Variants in GRAMD1B observed in about 807,000 individuals in gnomAD.
The protein encoded by GRAMD1B is protein Aster-B.
In GRAMD1B, 37 loss-of-function variants were observed where a neutral mutation model predicts 99.7. That is an observed-to-expected ratio of 0.37 (90% CI 0.29 to 0.49). GRAMD1B has a LOEUF of 0.49. Ranked by LOEUF, GRAMD1B falls within the 20% of genes least tolerant of loss-of-function variation. The pLI, the probability that GRAMD1B is intolerant of heterozygous loss-of-function variation, is 0.98. For missense variants in GRAMD1B, 888 were observed against 1,009.2 expected (o/e 0.88, Z 1.63); for synonymous variants, 427 against 387.6 (o/e 1.10, Z -1.19).
chr11:123,526,092 C>T, intron 2 of GRAMD1B: 37 of 1,510,376 alleles, frequency 2.4e-5, no homozygotes, highest in Non-Finnish European at 3.4e-5. Context: ...CCTGGGACCT[C>T]CGGAGCTGTA....
intron 2 of GRAMD1B, among the ~76,000 whole-genome samples, chr11:123,554,843 A>G (rs1591976749): frequency 6.6e-6 from 1 of 152,214 alleles, no homozygotes; most frequent in South Asian, 2.1e-4. Context: ...CACTCACTGA[A>G]GGACAAACTT....
At chr11:123,592,953 C>T (rs916068045) in intron 4 of GRAMD1B, among the ~76,000 whole-genome samples, 2 of 151,852 alleles carry the variant, frequency 1.3e-5, no homozygotes, top group African/African-American at 4.8e-5. Flanking sequence ...GCCCTCGGGT[C>T]GGGCGCGGTG....
At chr11:123,379,023 C>T (rs1049667027) in intron 1 of GRAMD1B, among the ~76,000 whole-genome samples, 3 of 151,890 alleles carry the variant, frequency 2.0e-5, no homozygotes, top group Non-Finnish European at 4.4e-5. Flanking sequence ...CAGTGTCAGT[C>T]TAAAGAGGAA....
At chr11:123,442,194 C>T (rs997431787) in intron 1 of GRAMD1B, among the ~76,000 whole-genome samples, 8 of 152,286 alleles carry the variant, frequency 5.3e-5, no homozygotes, top group East Asian at 1.9e-4. Context: ...GGGCTCAGTC[C>T]TCTAAGATTG....
At chr11:123,421,961 A>G (rs1948453366) in intron 1 of GRAMD1B, among the ~76,000 whole-genome samples, 2 of 152,220 alleles carry the variant, frequency 1.3e-5, no homozygotes, top group Non-Finnish European at 2.9e-5. Context: ...TTAAATCTGT[A>G]TTTTCATACA....
intron 2 of GRAMD1B, among the ~76,000 whole-genome samples, chr11:123,542,329 G>A (rs1290821): frequency 7.9e-5 from 12 of 152,150 alleles, no homozygotes; most frequent in Non-Finnish European, 1.5e-4. Context: ...GAGAGCACTC[G>A]CCAGTTACAA....
Position 123,492,316 on chromosome 11 carries a change from C to T in GRAMD1B, c.452+11423C>T, listed in dbSNP as rs571780888. 6.4e-4 allele frequency among the ~76,000 whole-genome samples: 97 copies of T among 152,224 alleles called. No homozygotes were observed. Among genetic ancestry groups the T allele is most frequent in the Admixed American group, 1.8e-3 (27 of 15,288 alleles). On this transcript the variant is annotated intron_variant, in intron 2 of 19. Transcript: ENST00000635736. The surrounding 1 kb of genome is among the most constrained non-coding windows in gnomAD (Gnocchi z 4.2). ...CTGTGTAGCATCCCCTGGACAGGGG[C>T]GCTGGCGTCTCTGGGGTGTGGATCA...
At chr11:123,564,172 A>G (rs1315339843) in intron 2 of GRAMD1B, among the ~76,000 whole-genome samples, 1 of 152,186 alleles carries the variant, frequency 6.6e-6, no homozygotes, top group Non-Finnish European at 1.5e-5. Context: ...TGACAGTACC[A>G]TAGCAACCTC....
chr11:123,359,168 C>G (rs1946055732), intron 1 of GRAMD1B, among the ~76,000 whole-genome samples: 1 of 152,028 alleles, frequency 6.6e-6, no homozygotes, highest in Non-Finnish European at 1.5e-5. Context: ...ATGGAGATTG[C>G]CTCTCCTCCT....
rs1456635902 is a variant in GRAMD1B, at chr11:123,600,448, T to C, written c.970-20T>C. ...TTGTAACTCAACAGATATTTATTGT[T>C]ATTTTCTTTTCCAATCTAGCACTTC... is the stretch of plus-strand genomic sequence containing the variant. On this transcript the variant is annotated intron_variant, in intron 7 of 19. Transcript: ENST00000635736. 3.4e-6 allele frequency: 5 copies of C among 1,491,260 alleles called. No homozygotes were observed. Among genetic ancestry groups the C allele is most frequent in the Non-Finnish European group, 4.7e-6 (5 of 1,070,406 alleles). 92.4% of individuals were successfully genotyped at this position (1,491,260 alleles called of 1,614,324 possible).
intron 2 of GRAMD1B, among the ~76,000 whole-genome samples, chr11:123,573,482 T>C (rs1948384816): frequency 1.3e-5 from 2 of 152,214 alleles, no homozygotes; most frequent in African/African-American, 4.8e-5. Context: ...TGTGCCTCTT[T>C]CTGTCCACCG....
At chr11:123,456,438 T>C (rs1406862206) in intron 1 of GRAMD1B, among the ~76,000 whole-genome samples, 1 of 152,156 alleles carries the variant, frequency 6.6e-6, no homozygotes, top group Non-Finnish European at 1.5e-5. Flanking sequence ...GACTTTACAC[T>C]TGTCATTTAC....
At chr11:123,498,281 C>T (rs1168315919) in intron 2 of GRAMD1B, among the ~76,000 whole-genome samples, 2 of 152,154 alleles carry the variant, frequency 1.3e-5, no homozygotes, top group Non-Finnish European at 2.9e-5. Flanking sequence ...TTTACTTTTC[C>T]CCCTGCTTTT....
intron 1 of GRAMD1B, among the ~76,000 whole-genome samples, chr11:123,418,370 G>A (rs1036426840): frequency 1.3e-5 from 2 of 152,170 alleles, no homozygotes; most frequent in East Asian, 3.9e-4. Context: ...GGGTGGTTAA[G>A]CTGGGGGCCT....
chr11:123,600,548 G>T lies in GRAMD1B; in HGVS notation c.1050G>T (p.Lys350Asn). The T allele has an allele frequency of 6.2e-7, 1 of 1,605,010 alleles. No individual in the cohort carries two copies. The highest frequency in any genetic ancestry group is 8.5e-7 in the Non-Finnish European group (1 of 1,172,080). ...TCTGGCAGAATGCTCTCCTTGAAAA[G>T]GTAAGTACGGCCGAGTTTGCTTTTA... ...FRLWQNALLE[K>N]PLCPKELWHF... The change falls in exon 8 of 20, where the codon AAG (lysine) becomes AAT (asparagine). Residue 350 changes from lysine to asparagine, a missense_variant and splice_region_variant. Lys to Asn is a moderately conservative substitution (Grantham distance 94). This residue lies in a region of GRAMD1B where 269 missense variants were observed against 296.6 expected (regional missense o/e 0.91). Transcript: ENST00000635736.
At chr11:123,542,686 C>T (rs1278753068) in intron 2 of GRAMD1B, among the ~76,000 whole-genome samples, 2 of 152,156 alleles carry the variant, frequency 1.3e-5, no homozygotes, top group Non-Finnish European at 2.9e-5. Flanking sequence ...GAATTTTGCT[C>T]TTGTTGCCCA....
intron 11 of GRAMD1B, among the ~76,000 whole-genome samples, chr11:123,607,080 G>A (rs1366024760): frequency 6.6e-6 from 1 of 152,092 alleles, no homozygotes; most frequent in African/African-American, 2.4e-5. Context: ...TCACAGACAC[G>A]CAAGTCTAGG....
intron 1 of GRAMD1B, among the ~76,000 whole-genome samples, chr11:123,361,588 C>T (rs905418535): frequency 2.4e-4 from 37 of 152,192 alleles, no homozygotes; most frequent in African/African-American, 4.3e-4. Flanking sequence ...CTTTTCCTGT[C>T]TAGGCACGGT....
intron 1 of GRAMD1B, among the ~76,000 whole-genome samples, chr11:123,458,165 C>G (rs1950247349): frequency 6.6e-6 from 1 of 152,084 alleles, no homozygotes; most frequent in Admixed American, 6.6e-5. Flanking sequence ...ATTATGGAGG[C>G]TGAGAAGTCC....
Sources: allele counts gnomAD v4.1 joint callset (sites outside exome capture counted in the v4.1 genomes callset), GRCh38; gene constraint gnomAD v4.1.1; regional missense constraint gnomAD v4.1.1; non-coding constraint Gnocchi (gnomAD v3.1); transcripts MANE v1.5; gene names NCBI Gene and HGNC (gene_info 2026-07-23, HGNC 2026-07-21).